The following ZP2 variants were observed in gnomAD, a reference collection of about 807,000 sequenced individuals.
ZP2 encodes the protein zona pellucida sperm-binding protein 2.
In ZP2, 51 loss-of-function variants were observed where a neutral mutation model predicts 84.0. The ratio of observed to expected loss-of-function variants is 0.61; its 90% confidence interval spans 0.49 to 0.77. The LOEUF (loss-of-function observed/expected upper bound fraction) is 0.77. Among genes scored for constraint, ZP2 ranks in the 30% least tolerant of loss-of-function variants. The probability of loss-of-function intolerance (pLI) is 0.00; values close to 1 mark genes in which losing one functional copy is unlikely to be tolerated. For synonymous variants in ZP2, 375 were observed against 330.9 expected (o/e 1.13, Z -1.45); for missense variants, 909 against 911.9 (o/e 1.00, Z 0.04).
intron 10 of ZP2, 135 bp from the exon 11 acceptor site, chr16:21,202,426 G>T: frequency 1.3e-6 from 1 of 745,700 alleles, no homozygotes; most frequent in Non-Finnish European, 2.0e-6. Flanking sequence ...GTCTTTATGA[G>T]GGAACCTTGA....
intron 9 of ZP2, 68 bp downstream of exon 9, chr16:21,203,961 AG>A: frequency 1.3e-6 from 2 of 1,565,996 alleles, no homozygotes; most frequent in Non-Finnish European, 1.7e-6. Context: ...CAGCCGTATG[AG>A]GACTACCCAC....
intron 10 of ZP2, among the ~76,000 whole-genome samples, chr16:21,202,518 C>T (rs1377850262): frequency 6.6e-6 from 1 of 152,094 alleles, no homozygotes; most frequent in African/African-American, 2.4e-5. Flanking sequence ...AAGGAGGGAC[C>T]AGTAGATGTA....
upstream of ZP2, among the ~76,000 whole-genome samples, chr16:21,211,928 C>CA (rs930046620): frequency 7.2e-6 from 1 of 138,054 alleles, no homozygotes; most frequent in African/African-American, 3.2e-5. Context: ...CACACCACTA[C>CA]ATTTTTTTTT....
upstream of ZP2, among the ~76,000 whole-genome samples, chr16:21,213,125 A>G (rs2093280932): frequency 6.6e-6 from 1 of 152,056 alleles, no homozygotes; most frequent in Non-Finnish European, 1.5e-5. Context: ...GCTCACTGCA[A>G]CCTCTGCCTC....
chr16:21,202,301 G>T lies in ZP2; in HGVS notation c.1100-10C>A. On this transcript the variant is annotated splice_polypyrimidine_tract_variant and intron_variant, in intron 10 of 18. Coordinates refer to ENST00000574091, the MANE Select transcript of ZP2 (RefSeq NM_001376232.1). ...CACAGCTCCCCTGTAACTAGACAGC[G>T]GTGAAAGTTTAGAGAAAATAAGTTT... is the stretch of plus-strand genomic sequence containing the variant. 1.3e-6 allele frequency: 2 copies of T among 1,491,466 alleles called. No individual in the cohort carries two copies. Among genetic ancestry groups the T allele is most frequent in the South Asian group, 1.5e-5 (1 of 67,460 alleles). The allele number at this position is 1,491,466 out of a possible 1,614,324, so 92.4% of individuals were successfully genotyped here.
Position 21,197,568 on chromosome 16 carries a change from A to G in ZP2, c.2150T>C (p.Val717Ala), listed in dbSNP as rs767252258. The change falls in exon 19 of 19, where the codon GTG becomes GCG. Residue 717 changes from valine (V) to alanine (A), a missense_variant. By Grantham distance (64) the Val-to-Ala change is moderately conservative (BLOSUM62 0). Transcript: ENST00000574091. ...KTAGDVGSKA[V>A]AAVAAFAGVV... is the part of the protein sequence containing the mutation. ...ACCTGCAAAGGCAGCCACAGCAGCC[A>G]CAGCTTTGGAACCAACATCTCCAGC... 1.2e-6 allele frequency: 2 copies of G among 1,614,218 alleles called. No homozygotes were observed. Among genetic ancestry groups the G allele is most frequent in the Non-Finnish European group, 1.7e-6 (2 of 1,180,022 alleles).
rs2093233655 is a variant in ZP2 at position 21,203,122 on chromosome 16, T to C, written c.1099+3A>G. 2.5e-6 allele frequency: 4 copies of C among 1,613,026 alleles called. No individual in the cohort carries two copies. Among genetic ancestry groups the C allele is most frequent in the East Asian group, 2.2e-5 (1 of 44,842 alleles). ...GAACATGATTTTAATAAAAGGTCTT[T>C]ACCTATAGAAACGGGTGACTCACAG... On this transcript the variant is annotated splice_donor_region_variant and intron_variant, in intron 10 of 18. Coordinates refer to ENST00000574091, the MANE Select transcript of ZP2 (RefSeq NM_001376232.1).
intron 16 of ZP2, 53 bp from the exon 17 acceptor site, chr16:21,198,915 G>T (rs1189656442): frequency 6.6e-7 from 1 of 1,506,658 alleles, no homozygotes; most frequent in South Asian, 1.1e-5. Context: ...TGGTTCGAGA[G>T]GTGTGTCAAT....
At chr16:21,205,271 G>A (rs1344859657) in intron 7 of ZP2, 149 bp downstream of exon 7, 2 of 899,464 alleles carry the variant, frequency 2.2e-6, no homozygotes, top group Admixed American at 2.6e-5. Flanking sequence ...GGGATTACAG[G>A]TGTGAATACC....
At position 21,205,773 on chromosome 16, in the gene ZP2, A is replaced by C. The variant is rs2093246965; in HGVS notation, c.486T>G (p.Phe162Leu). The C allele has an allele frequency of 6.2e-7, 1 of 1,614,010 alleles. No homozygotes were observed. The highest frequency in any genetic ancestry group is 8.5e-7 in the Non-Finnish European group (1 of 1,179,928). ...STICQKDFMS[F>L]SLPRVFSGLA... ...AGCCAGAGAAGACCCGTGGCAAGGA[A>C]AACTGGAAGAAAAGAATTGTGATGT... Residue 162 changes from phenylalanine to leucine, a missense_variant and splice_region_variant, in exon 6 of 19, where the codon TTT (phenylalanine) becomes TTG (leucine). Transcript: ENST00000574091.
Position 21,203,248 on chromosome 16 carries a change from A to G in ZP2, c.976T>C (p.Ser326Pro), listed in dbSNP as rs1308983168. 6.2e-7 allele frequency: 1 copy of G among 1,613,520 alleles called. No homozygotes were observed. Residue 326 changes from serine to proline, a missense_variant, in exon 10 of 19, where the codon TCT (serine) becomes CCT (proline). Physicochemically the swap from Ser to Pro is moderately conservative, Grantham distance 74. Coordinates refer to ENST00000574091, the MANE Select transcript of ZP2 (RefSeq NM_001376232.1). ...AACTGATGGAGTAGGCATTTTTCAG[A>G]TAACTGAAATGAGAAAATGTCAATT... The part of the protein sequence containing the change: ...FSKTLLKTKL[S>P]EKCLLHQFYL...
At chr16:21,199,306 G>A (rs2093213844) in intron 16 of ZP2, among the ~76,000 whole-genome samples, 2 of 51,334 alleles carry the variant, frequency 3.9e-5, no homozygotes, top group African/African-American at 1.9e-4. Flanking sequence ...GGCAACAAGA[G>A]CAAAACTGTC....
intron 4 of ZP2, 59 bp downstream of exon 4, chr16:21,209,572 G>T: frequency 6.6e-7 from 1 of 1,504,552 alleles, no homozygotes; most frequent in East Asian, 2.3e-5. Flanking sequence ...CAAGTTTACT[G>T]CCAGTAACTC....
rs145441777 is a variant in ZP2 at position 21,204,323 on chromosome 16, C to T, written c.775G>A (p.Ala259Thr). Residue 259 changes from alanine (A) to threonine (T), a missense_variant, in exon 8 of 19, where the codon GCT becomes ACT. Coordinates refer to ENST00000574091, the MANE Select transcript of ZP2 (RefSeq NM_001376232.1). ...GGGACCTTACCTGGTGCACAAATAG[C>T]TTGTGAAGAGAAGATCACCTTCTGT... Reference protein sequence around the residue: ...PGQKVIFSSQAICAPDPVTCN... With the variant: ...PGQKVIFSSQTICAPDPVTCN... The T allele has an allele frequency of 4.3e-6, 7 of 1,613,928 alleles. No homozygotes were observed. Among genetic ancestry groups the T allele is most frequent in the African/African-American group, 1.3e-5 (1 of 74,922 alleles).
upstream of ZP2, among the ~76,000 whole-genome samples, chr16:21,213,148 G>C (rs890936741): frequency 1.3e-5 from 2 of 152,144 alleles, no homozygotes; most frequent in Non-Finnish European, 2.9e-5. Context: ...GGATTCAAGC[G>C]ATTCTCCTGC....
At chr16:21,203,077 G>A (rs1478213845) in intron 10 of ZP2, 48 bp downstream of exon 10, 1 of 1,599,126 alleles carries the variant, frequency 6.3e-7, no homozygotes, top group South Asian at 1.1e-5. Flanking sequence ...ATGTACAAGA[G>A]CCAAGGGAGA....
Position 21,205,442 on chromosome 16 carries a change from G to C in ZP2, c.671C>G (p.Ala224Gly). Residue 224 changes from alanine to glycine, a missense_variant, in exon 7 of 19, where the codon GCC becomes GGC. Coordinates refer to ENST00000574091, the MANE Select transcript of ZP2 (RefSeq NM_001376232.1). ...HRMTFHVPFN[A>G]TGVTHYVQGN... ...TACCACATAGTGAGTCACTCCAGTG[G>C]CATTGAATGGCACATGGAAGGTCAT... The C allele has an allele frequency of 6.2e-7, 1 of 1,614,100 alleles. No individual in the cohort carries two copies. Among genetic ancestry groups the C allele is most frequent in the Middle Eastern group, 1.7e-4 (1 of 6,034 alleles).
At chr16:21,214,290 T>C, upstream of ZP2, 19 of 985,294 alleles carry the variant, frequency 1.9e-5, 1 homozygote, top group Non-Finnish European at 2.2e-5. Context: ...CCCAGGAGCA[T>C]CCATGTCTAG....
At position 21,211,481 on chromosome 16, in the gene ZP2, C is replaced by T. The variant is rs750366571; in HGVS notation, c.62+5G>A. 3.7e-6 allele frequency: 6 copies of T among 1,614,088 alleles called. No individual in the cohort carries two copies. The highest frequency in any genetic ancestry group is 1.1e-5 in the South Asian group (1 of 91,070). On this transcript the variant is annotated splice_donor_5th_base_variant and intron_variant, in intron 1 of 18. Transcript: ENST00000574091. ...CCCCCTCCCTCCACTTCCAGAATTACTCACCTCCAGCCTGCATTGAACCAG... is the reference window on the plus strand; with the variant it reads ...CCCCCTCCCTCCACTTCCAGAATTATTCACCTCCAGCCTGCATTGAACCAG...
Sources: gnomAD v4.1 joint callset for allele counts (sites outside exome capture counted in the v4.1 genomes callset) on GRCh38, gnomAD v4.1.1 for gene constraint, MANE v1.5 for transcripts, NCBI Gene and HGNC (gene_info 2026-07-23, HGNC 2026-07-21) for gene names.